CD96: variants seen among roughly 807,000 people sequenced by gnomAD.
CD96 encodes T-cell surface protein tactile.
CD96 carries 70 observed loss-of-function variants against 71.3 expected under a neutral mutation model. The observed-to-expected ratio is 0.98, with a 90% CI of 0.81 to 1.20. The LOEUF (loss-of-function observed/expected upper bound fraction) is 1.20, where lower values mean the gene tolerates loss of function less well. CD96 is among the 50% of genes most tolerant of loss of function. CD96 has a pLI of 0.00. For synonymous variants in CD96, 248 were observed against 233.0 expected (o/e 1.06, Z -0.59); for missense variants, 742 against 677.5 (o/e 1.10, Z -1.06).
intron 12 of CD96, among the ~76,000 whole-genome samples, chr3:111,647,305 A>G (rs1939876451): frequency 6.6e-6 from 1 of 152,134 alleles, no homozygotes; most frequent in Admixed American, 6.5e-5. Flanking sequence ...AAGGGTATAT[A>G]TTCATGGTAC....
At chr3:111,638,303 AAT>A in intron 12 of CD96, 135 bp downstream of exon 12, 1 of 725,492 alleles carries the variant, frequency 1.4e-6, no homozygotes, top group Non-Finnish European at 2.5e-6. Context: ...TGAAGATTAT[AAT>A]CTATTAGTGA....
At chr3:111,646,012 A>G (rs1019165167) in intron 12 of CD96, among the ~76,000 whole-genome samples, 2 of 152,172 alleles carry the variant, frequency 1.3e-5, no homozygotes, top group Admixed American at 1.3e-4. Flanking sequence ...AAAGCAGTGT[A>G]ATAAAAACGG....
At chr3:111,600,695 GTGTTGAACCA>G in intron 6 of CD96, 21 bp from the exon 7 acceptor site, 1 of 1,466,018 alleles carries the variant, frequency 6.8e-7, no homozygotes, top group Admixed American at 1.7e-5. Flanking sequence ...TAAAATGTTA[GTGTTGAACCA>G]TGTTCGTATC....
intron 5 of CD96, chr3:111,593,976 C>T: frequency 1.2e-6 from 2 of 1,614,156 alleles, no homozygotes; most frequent in Non-Finnish European, 1.7e-6. Flanking sequence ...CGGCAGGTGG[C>T]ATACTGGTTG....
At chr3:111,610,802 G>A (rs955906138) in intron 8 of CD96, among the ~76,000 whole-genome samples, 5 of 152,306 alleles carry the variant, frequency 3.3e-5, no homozygotes, top group East Asian at 1.9e-4. Flanking sequence ...AGTTTCCGTC[G>A]CCTTGAGGAG....
At chr3:111,552,654 A>C (rs1156425234) in intron 2 of CD96, among the ~76,000 whole-genome samples, 3 of 149,192 alleles carry the variant, frequency 2.0e-5, no homozygotes, top group Admixed American at 2.0e-4. Context: ...CTGTGTTCTA[A>C]TTCAACTTTA....
intron 12 of CD96, among the ~76,000 whole-genome samples, chr3:111,645,725 C>G (rs188747915): frequency 6.6e-6 from 1 of 152,186 alleles, no homozygotes; most frequent in African/African-American, 2.4e-5. Flanking sequence ...TTCTAGTCAT[C>G]TGTATATACA....
At chr3:111,552,234 C>T (rs972145282) in intron 2 of CD96, among the ~76,000 whole-genome samples, 1 of 151,996 alleles carries the variant, frequency 6.6e-6, no homozygotes, top group Non-Finnish European at 1.5e-5. Context: ...GGGCTCCACT[C>T]TCCTGGAAAA....
chr3:111,629,854 A>G (rs942510892), intron 10 of CD96, among the ~76,000 whole-genome samples: 2 of 152,226 alleles, frequency 1.3e-5, no homozygotes, highest in African/African-American at 4.8e-5. Context: ...ACTCAAGATT[A>G]AGAAATTCAC....
intron 8 of CD96, among the ~76,000 whole-genome samples, chr3:111,616,713 C>T (rs1196347513): frequency 6.6e-6 from 1 of 152,188 alleles, no homozygotes; most frequent in African/African-American, 2.4e-5. Flanking sequence ...AGCTGCCCGA[C>T]TGGACTAGCT....
chr3:111,638,284 C>T, intron 12 of CD96, 116 bp downstream of exon 12: 1 of 760,824 alleles, frequency 1.3e-6, no homozygotes, highest in Admixed American at 1.8e-5. Context: ...AGTGAACACA[C>T]TGGCTTTTTG....
intron 2 of CD96, among the ~76,000 whole-genome samples, chr3:111,556,716 A>G (rs1935071638): frequency 6.8e-6 from 1 of 148,146 alleles, no homozygotes; most frequent in African/African-American, 2.5e-5. Flanking sequence ...TTGGGTATAT[A>G]CCCAGTAATG....
chr3:111,570,737 A>T, intron 3 of CD96: 1 of 1,613,260 alleles, frequency 6.2e-7, no homozygotes, highest in Non-Finnish European at 8.5e-7. Context: ...TCTTGTCCAG[A>T]TACTCTTCCT....
At chr3:111,550,869 T>C (rs530489712) in intron 2 of CD96, among the ~76,000 whole-genome samples, 1 of 152,290 alleles carries the variant, frequency 6.6e-6, no homozygotes, top group African/African-American at 2.4e-5. Flanking sequence ...GTGAAAACAA[T>C]TCGCACAAGG....
At chr3:111,646,021 G>A (rs754546978) in intron 12 of CD96, among the ~76,000 whole-genome samples, 26 of 151,986 alleles carry the variant, frequency 1.7e-4, no homozygotes, top group African/African-American at 3.4e-4. Flanking sequence ...TAATAAAAAC[G>A]GGGCAATGAA....
intron 7 of CD96, among the ~76,000 whole-genome samples, chr3:111,602,307 A>G (rs1009605798): frequency 3.9e-5 from 6 of 152,192 alleles, no homozygotes; most frequent in African/African-American, 9.7e-5. Context: ...ACAGTGCTTG[A>G]TTTCAGTATC....
At chr3:111,547,577 A>G (rs1227970517) in intron 2 of CD96, among the ~76,000 whole-genome samples, 2 of 152,216 alleles carry the variant, frequency 1.3e-5, no homozygotes, top group African/African-American at 4.8e-5. Context: ...AACAGATAGT[A>G]TATTATCCAG....
At chr3:111,643,735 CAAAAAAA>C (rs56078551) in intron 12 of CD96, among the ~76,000 whole-genome samples, 1 of 128,242 alleles carries the variant, frequency 7.8e-6, no homozygotes, top group Non-Finnish European at 1.6e-5. Flanking sequence ...ACAATAGCTG[CAAAAAAA>C]AAAAAAAAAA....
In CD96 at chr3:111,567,562, T is replaced by C. The variant is rs1331289456; in HGVS notation, c.458T>C (p.Ile153Thr). 4 of 1,604,764 alleles carry C rather than the reference T, an allele frequency of 2.5e-6. No individual in the cohort carries two copies. In the African/African-American group the frequency reaches 4.0e-5, roughly 16 times the overall value. ...DEWNSNHTIE[I>T]EINQTLEIPC... ...TGGAACAGCAACCATACGATAGAAATAGAGATAAATCAGACTCTGGAAATA... is the reference window on the plus strand; with the variant it reads ...TGGAACAGCAACCATACGATAGAAACAGAGATAAATCAGACTCTGGAAATA... The change falls in exon 3 of 14, where the codon ATA (isoleucine) becomes ACA (threonine). Residue 153 changes from isoleucine to threonine, a missense_variant. Physicochemically the swap from Ile to Thr is moderately conservative, Grantham distance 89. Transcript: ENST00000352690.
Sources: gnomAD v4.1 joint callset for allele counts (sites outside exome capture counted in the v4.1 genomes callset) on GRCh38, gnomAD v4.1.1 for gene constraint, MANE v1.5 for transcripts, NCBI Gene and HGNC (gene_info 2026-07-23, HGNC 2026-07-21) for gene names.